The following LRRC4C variants were observed in gnomAD, a reference collection of about 807,000 sequenced individuals.
LRRC4C encodes the protein leucine rich repeat containing 4C, also known as leucine-rich repeat-containing protein 4C.
LRRC4C carries 5 observed loss-of-function variants against 33.6 expected under a neutral mutation model. The ratio of observed to expected loss-of-function variants is 0.15; its 90% CI spans 0.08 to 0.31. The LOEUF (loss-of-function observed/expected upper bound fraction) is 0.31. Among genes scored for constraint, LRRC4C ranks in the 10% least tolerant of loss-of-function variants. The pLI is 1.00. For synonymous variants in LRRC4C, 329 were observed against 302.0 expected (o/e 1.09, Z -0.93); for missense variants, 560 against 796.7 (o/e 0.70, Z 3.58).
intron 2 of LRRC4C, among the ~76,000 whole-genome samples, chr11:40,760,908 A>T (rs1248136958): frequency 2.7e-5 from 4 of 146,884 alleles, no homozygotes; most frequent in African/African-American, 9.9e-5. Flanking sequence ...TATATTATAT[A>T]TTTTTTTTGT....
At chr11:40,987,681 T>TATATATATATATATATG (rs1565274752) in intron 1 of LRRC4C, among the ~76,000 whole-genome samples, 3 of 74,676 alleles carry the variant, frequency 4.0e-5, no homozygotes, top group African/African-American at 1.8e-4. Context: ...AAATGATATA[T>TATATATATATATATATG]ATATATATAT....
chr11:41,072,147 A>T (rs1938732473), intron 1 of LRRC4C, among the ~76,000 whole-genome samples: 2 of 152,112 alleles, frequency 1.3e-5, no homozygotes, highest in African/African-American at 4.8e-5. Context: ...TATTACATAA[A>T]CTTAGATAAA....
rs540447927 is a variant in LRRC4C, at chr11:40,165,282, G to A, written c.-95-24429C>T. ...TATGTATCCGTTTCTATGTCTCTGT[G>A]TATCTGAGAATTTGTGTGTGTGCCT... On this transcript the variant is annotated intron_variant, in intron 5 of 6. Coordinates refer to ENST00000528697, the MANE Select transcript of LRRC4C (RefSeq NM_001258419.2). Among the ~76,000 whole-genome samples the A allele has an allele frequency of 3.3e-5, 5 of 152,202 alleles. No individual in the cohort carries two copies. The South Asian group carries it at 1.0e-3, about 32-fold the overall frequency.
At chr11:40,222,261 T>G (rs1442710599) in intron 5 of LRRC4C, among the ~76,000 whole-genome samples, 1 of 152,190 alleles carries the variant, frequency 6.6e-6, no homozygotes, top group Non-Finnish European at 1.5e-5. Flanking sequence ...TGGCCTCGCT[T>G]AAAGTGTTTG....
At chr11:40,908,092 A>G (rs1372735506) in intron 2 of LRRC4C, among the ~76,000 whole-genome samples, 1 of 152,254 alleles carries the variant, frequency 6.6e-6, no homozygotes, top group African/African-American at 2.4e-5. Context: ...AATAGTCACT[A>G]CAGTTGAATA....
intron 1 of LRRC4C, among the ~76,000 whole-genome samples, chr11:41,339,067 T>C (rs1951548902): frequency 6.6e-6 from 1 of 152,226 alleles, no homozygotes; most frequent in Non-Finnish European, 1.5e-5. Context: ...TGCATCATGG[T>C]TCTAAATGAC....
At chr11:40,217,901 C>T (rs900437596) in intron 5 of LRRC4C, among the ~76,000 whole-genome samples, 4 of 152,090 alleles carry the variant, frequency 2.6e-5, no homozygotes, top group Non-Finnish European at 4.4e-5. Flanking sequence ...TACAGCCTTG[C>T]TTAAACATTT....
intron 5 of LRRC4C, among the ~76,000 whole-genome samples, chr11:40,172,986 T>C (rs963225248): frequency 6.6e-5 from 10 of 152,076 alleles, no homozygotes; most frequent in African/African-American, 1.7e-4. Context: ...GAAGATCAAG[T>C]GAAGACAAGT....
At chr11:41,073,233 G>A (rs1340324375) in intron 1 of LRRC4C, among the ~76,000 whole-genome samples, 3 of 152,126 alleles carry the variant, frequency 2.0e-5, no homozygotes, top group African/African-American at 4.8e-5. Context: ...TCTGGTGAGG[G>A]CCTCAGGATG....
intron 3 of LRRC4C, among the ~76,000 whole-genome samples, chr11:40,609,047 G>T (rs184851536): frequency 6.6e-6 from 1 of 151,852 alleles, no homozygotes; most frequent in South Asian, 2.1e-4. Flanking sequence ...AACAAAATTC[G>T]AACAACACTG....
intron 2 of LRRC4C, among the ~76,000 whole-genome samples, chr11:40,739,074 C>T (rs1436981693): frequency 6.7e-6 from 1 of 148,342 alleles, no homozygotes; most frequent in Non-Finnish European, 1.5e-5. Context: ...TTGAGATCTA[C>T]CTTCTTAGCA....
chr11:40,996,925 C>G (rs61887618), intron 1 of LRRC4C, among the ~76,000 whole-genome samples: 4,228 of 152,216 alleles, frequency 0.028, 57 homozygotes, highest in Middle Eastern at 0.044. Flanking sequence ...CTAGGCCCCA[C>G]CTCCAACACT....
chr11:41,414,671 C>T (rs376753197), intron 1 of LRRC4C, among the ~76,000 whole-genome samples: 1 of 151,930 alleles, frequency 6.6e-6, no homozygotes, highest in Non-Finnish European at 1.5e-5. Flanking sequence ...CAGGCTTCAA[C>T]ACTTAAAAAG....
intron 1 of LRRC4C, among the ~76,000 whole-genome samples, chr11:41,114,750 G>T (rs957367800): frequency 6.6e-6 from 1 of 152,064 alleles, no homozygotes; most frequent in African/African-American, 2.4e-5. Flanking sequence ...TATTGAACAA[G>T]CTCATACATT....
intron 3 of LRRC4C, among the ~76,000 whole-genome samples, chr11:40,495,671 A>C (rs1403275728): frequency 6.6e-6 from 1 of 152,068 alleles, no homozygotes; most frequent in Non-Finnish European, 1.5e-5. Context: ...TATTGTTGCT[A>C]GTCAGTACTT....
At chr11:40,896,117 C>G (rs989261311) in intron 2 of LRRC4C, among the ~76,000 whole-genome samples, 12 of 152,184 alleles carry the variant, frequency 7.9e-5, no homozygotes, top group Non-Finnish European at 7.3e-5. Flanking sequence ...TCCTTCACCT[C>G]TATTCACTTC....
At chr11:40,890,718 TA>T in intron 2 of LRRC4C, among the ~76,000 whole-genome samples, 1 of 152,050 alleles carries the variant, frequency 6.6e-6, no homozygotes, top group East Asian at 1.9e-4. Context: ...GCTCGTTAAG[TA>T]GCACAGATTG....
chr11:41,285,101 A>C (rs1020695965), intron 1 of LRRC4C, among the ~76,000 whole-genome samples: 1 of 152,182 alleles, frequency 6.6e-6, no homozygotes, highest in Non-Finnish European at 1.5e-5. Flanking sequence ...CTGTTTGGTA[A>C]AGATTGTTTG....
intron 1 of LRRC4C, among the ~76,000 whole-genome samples, chr11:41,022,406 G>A (rs1856048464): frequency 6.6e-6 from 1 of 151,892 alleles, no homozygotes; most frequent in African/African-American, 2.4e-5. Context: ...GTTAGGGTAA[G>A]CAAGGAGATT....
Sources: gnomAD v4.1 joint callset for allele counts (sites outside exome capture counted in the v4.1 genomes callset) on GRCh38, gnomAD v4.1.1 for gene constraint, MANE v1.5 for transcripts, NCBI Gene and HGNC (gene_info 2026-07-23, HGNC 2026-07-21) for gene names.